PPP1R1C: variants seen among roughly 807,000 people sequenced by gnomAD.
The protein encoded by PPP1R1C is protein phosphatase 1 regulatory subunit 1C.
A neutral mutation model predicts 17.4 loss-of-function variants in PPP1R1C; 15 were observed. The ratio of observed to expected loss-of-function variants is 0.86; its 90% CI spans 0.58 to 1.33. The LOEUF (loss-of-function observed/expected upper bound fraction) is 1.33. PPP1R1C is among the 40% of genes most tolerant of loss of function. PPP1R1C has a pLI of 0.00. For synonymous variants in PPP1R1C, 35 were observed against 43.1 expected (o/e 0.81, Z 0.73); for missense variants, 143 against 130.0 (o/e 1.10, Z -0.48).
At chr2:182,028,047 C>T (rs1285984753) in intron 2 of PPP1R1C, among the ~76,000 whole-genome samples, 68 of 127,286 alleles carry the variant, frequency 5.3e-4, no homozygotes, top group African/African-American at 1.9e-3. Flanking sequence ...TCTGTGGGAT[C>T]GGTGGTGATA....
chr2:181,965,282 G>T (rs1684886779), intron 1 of PPP1R1C, among the ~76,000 whole-genome samples: 1 of 151,998 alleles, frequency 6.6e-6, no homozygotes, highest in African/African-American at 2.4e-5. Flanking sequence ...CCTCTGCTAT[G>T]CAGAATCTTT....
intron 1 of PPP1R1C, among the ~76,000 whole-genome samples, chr2:181,959,479 C>A (rs1480999513): frequency 6.6e-6 from 1 of 152,092 alleles, no homozygotes; most frequent in Non-Finnish European, 1.5e-5. Context: ...TGCTACATAA[C>A]CCATCAACTA....
At chr2:181,994,002 A>G (rs772421545) in intron 2 of PPP1R1C, among the ~76,000 whole-genome samples, 11 of 144,232 alleles carry the variant, frequency 7.6e-5, no homozygotes, top group Non-Finnish European at 1.6e-4. Flanking sequence ...CCCAAAAAAC[A>G]GTAGTAGTGG....
chr2:182,015,741 T>A (rs1473610841), intron 2 of PPP1R1C, among the ~76,000 whole-genome samples: 1 of 152,088 alleles, frequency 6.6e-6, no homozygotes, highest in Non-Finnish European at 1.5e-5. Context: ...GTCTTAGGGC[T>A]CTGCTTGGTG....
intron 2 of PPP1R1C, 70 bp from the exon 3 acceptor site, chr2:182,061,371 GA>G: frequency 9.5e-7 from 1 of 1,050,600 alleles, no homozygotes; most frequent in Non-Finnish European, 1.4e-6. Context: ...CCGTGTTGTT[GA>G]AAATGTTAAT....
chr2:182,073,507 A>C (rs1688199525), intron 4 of PPP1R1C, among the ~76,000 whole-genome samples: 1 of 152,234 alleles, frequency 6.6e-6, no homozygotes, highest in South Asian at 2.1e-4. Flanking sequence ...AGGCTCTTTT[A>C]GTTCAAGATA....
chr2:182,050,696 C>T (rs1280999693), intron 2 of PPP1R1C, among the ~76,000 whole-genome samples: 1 of 152,198 alleles, frequency 6.6e-6, no homozygotes, highest in Admixed American at 6.5e-5. Flanking sequence ...AATCTTACCT[C>T]AGTCATATCT....
intron 4 of PPP1R1C, among the ~76,000 whole-genome samples, chr2:182,091,187 A>G (rs1037268442): frequency 6.6e-6 from 1 of 152,226 alleles, no homozygotes; most frequent in African/African-American, 2.4e-5. Context: ...GAGAAGGAGA[A>G]TTAATTAAAA....
chr2:182,067,718 G>T (rs1364607593), intron 4 of PPP1R1C, among the ~76,000 whole-genome samples: 2 of 152,094 alleles, frequency 1.3e-5, no homozygotes, highest in Non-Finnish European at 2.9e-5. Context: ...GGATGTATTT[G>T]GGAAGTAGAA....
upstream of PPP1R1C, among the ~76,000 whole-genome samples, chr2:181,982,146 C>T (rs958521903): frequency 6.6e-6 from 1 of 152,168 alleles, no homozygotes; most frequent in African/African-American, 2.4e-5. Flanking sequence ...CTCTCTTCCC[C>T]TTTCTTTCCC....
At chr2:182,061,800 C>A (rs547166199) in intron 3 of PPP1R1C, among the ~76,000 whole-genome samples, 16 of 152,124 alleles carry the variant, frequency 1.1e-4, no homozygotes, top group African/African-American at 3.9e-4. Flanking sequence ...ATGCTGGAAC[C>A]CCAGAGCAAG....
chr2:181,972,571 G>A (rs1685030571), intron 1 of PPP1R1C, among the ~76,000 whole-genome samples: 1 of 152,070 alleles, frequency 6.6e-6, no homozygotes, highest in South Asian at 2.1e-4. Context: ...TTAGCAGAAG[G>A]AGCATTTGAA....
At chr2:181,970,830 G>A (rs542522473) in intron 1 of PPP1R1C, among the ~76,000 whole-genome samples, 49 of 152,256 alleles carry the variant, frequency 3.2e-4, no homozygotes, top group Non-Finnish European at 5.3e-4. Context: ...CACAAGCAGA[G>A]GGGACTCCTT....
intron 2 of PPP1R1C, among the ~76,000 whole-genome samples, chr2:182,005,913 G>T (rs889861169): frequency 2.0e-5 from 3 of 151,924 alleles, no homozygotes; most frequent in Admixed American, 6.6e-5. Flanking sequence ...TACTTCACAG[G>T]GTAGTTTAAA....
rs905632254 is a variant in PPP1R1C, at chr2:181,957,602, GTCT to G, written n.111+2975_111+2977del. ...TAGATAAAATTTATGAAGTTAGGGTGTCTTCTTCTCAAAACTGTTTCTGTTTTG... is the reference window on the plus strand; with the variant it reads ...TAGATAAAATTTATGAAGTTAGGGTGTCTTCTCAAAACTGTTTCTGTTTTG... On this transcript the variant is annotated intron_variant and non_coding_transcript_variant, in intron 1 of 5. Coordinates refer to the PPP1R1C transcript ENST00000464264. The surrounding 1 kb of genome is among the most constrained non-coding windows in gnomAD (Gnocchi z 4.2). Among the ~76,000 whole-genome samples, 4 of 152,150 alleles carry G rather than the reference GTCT, an allele frequency of 2.6e-5. No individual in the cohort carries two copies. Among genetic ancestry groups the G allele is most frequent in the African/African-American group, 7.2e-5 (3 of 41,438 alleles).
intron 2 of PPP1R1C, among the ~76,000 whole-genome samples, chr2:182,046,669 G>T (rs1165710245): frequency 2.0e-5 from 3 of 151,788 alleles, no homozygotes; most frequent in African/African-American, 4.8e-5. Context: ...AACCCAGGAG[G>T]TGGAGGTTGC....
rs144681406 is a variant in PPP1R1C at position 182,055,601 on chromosome 2, C to G, written c.143-5841C>G. 5.1e-3 allele frequency among the ~76,000 whole-genome samples: 777 copies of G among 152,160 alleles called. 9 individuals are homozygous for G. The highest frequency in any genetic ancestry group is 0.018 in the African/African-American group (745 of 41,534). On this transcript the variant is annotated intron_variant, in intron 2 of 4. Transcript: ENST00000682840. ...TTGTCTAATGGTGGATAAAGAAAAACTTTATTTCTCTTTCATTCCTAAAGG... is the reference window on the plus strand; with the variant it reads ...TTGTCTAATGGTGGATAAAGAAAAAGTTTATTTCTCTTTCATTCCTAAAGG...
intron 2 of PPP1R1C, among the ~76,000 whole-genome samples, chr2:182,034,258 A>C (rs931142582): frequency 1.3e-5 from 2 of 152,168 alleles, no homozygotes; most frequent in Non-Finnish European, 2.9e-5. Context: ...AATTTATGAT[A>C]ATTGTGATAA....
At chr2:182,109,983 G>A (rs992860433) in intron 4 of PPP1R1C, among the ~76,000 whole-genome samples, 7 of 152,126 alleles carry the variant, frequency 4.6e-5, no homozygotes, top group Non-Finnish European at 7.4e-5. Flanking sequence ...AAATGTCATC[G>A]TCAGGTGAAC....
Sources: allele counts gnomAD v4.1 joint callset (sites outside exome capture counted in the v4.1 genomes callset), GRCh38; gene constraint gnomAD v4.1.1; non-coding constraint Gnocchi (gnomAD v3.1); transcripts MANE v1.5; gene names NCBI Gene and HGNC (gene_info 2026-07-23, HGNC 2026-07-21).